The following MOB3A variants were observed in gnomAD, a reference collection of about 807,000 sequenced individuals.
The protein encoded by MOB3A is MOB kinase activator 3A.
Under a neutral mutation model 17.8 loss-of-function variants are expected in MOB3A, and 17 were observed. That is an observed-to-expected ratio of 0.95 (90% CI 0.65 to 1.43). The LOEUF (loss-of-function observed/expected upper bound fraction) is 1.43. Ranked by LOEUF, MOB3A falls within the 40% of genes most tolerant of loss-of-function variation. MOB3A has a pLI of 0.00. For synonymous variants in MOB3A, 124 were observed against 133.2 expected (o/e 0.93, Z 0.48); for missense variants, 333 against 310.8 (o/e 1.07, Z -0.54).
At chr19:2,074,443 T>C (rs1465983449) in intron 4 of MOB3A, among the ~76,000 whole-genome samples, 1 of 152,144 alleles carries the variant, frequency 6.6e-6, no homozygotes, top group Non-Finnish European at 1.5e-5. Flanking sequence ...ACTACCATCT[T>C]TAGAGCCACT....
At chr19:2,091,210 G>C (rs1446635432) in intron 1 of MOB3A, among the ~76,000 whole-genome samples, 1 of 152,112 alleles carries the variant, frequency 6.6e-6, no homozygotes, top group Non-Finnish European at 1.5e-5. Flanking sequence ...GGAAAGAAAA[G>C]CCTTAAACTT....
chr19:2,073,266 A>G lies in MOB3A; in HGVS notation c.*129T>C. 1 of 1,186,528 alleles carries G rather than the reference A, an allele frequency of 8.4e-7. No individual in the cohort carries two copies. The highest frequency in any genetic ancestry group is 1.2e-6 in the Non-Finnish European group (1 of 815,928). 73.5% of individuals were successfully genotyped at this position (1,186,528 alleles called of 1,614,324 possible). ...AGCTCCTGAGGACCAACACCTGCTC[A>G]GCGGCTCGGCCCCTGGTCTCCCTGA... is the stretch of plus-strand genomic sequence containing the variant. On this transcript the variant is annotated 3_prime_UTR_variant, in exon 5 of 5. Coordinates refer to ENST00000357066, the MANE Select transcript of MOB3A (RefSeq NM_130807.3).
chr19:2,073,514 G>C, intron 4 of MOB3A, 90 bp from the exon 5 acceptor site: 3 of 1,565,614 alleles, frequency 1.9e-6, no homozygotes, highest in Non-Finnish European at 2.6e-6. Flanking sequence ...CACAGGCAGA[G>C]AAACGGCAGC....
chr19:2,083,474 C>T (rs978968555), intron 2 of MOB3A, among the ~76,000 whole-genome samples: 1 of 152,244 alleles, frequency 6.6e-6, no homozygotes, highest in Non-Finnish European at 1.5e-5. Flanking sequence ...CACCTCCAGG[C>T]CATGGTCCGC....
At chr19:2,087,868 G>A (rs982127548) in intron 1 of MOB3A, among the ~76,000 whole-genome samples, 20 of 152,208 alleles carry the variant, frequency 1.3e-4, no homozygotes, top group African/African-American at 4.1e-4. Flanking sequence ...ACCCAGGGCC[G>A]CAGGATCTGG....
intron 1 of MOB3A, among the ~76,000 whole-genome samples, chr19:2,092,753 CAAAAAAA>C (rs745800527): frequency 7.0e-4 from 34 of 48,234 alleles, no homozygotes; most frequent in Admixed American, 2.5e-3. Context: ...AACTCCATCT[CAAAAAAA>C]AAAAAAAAAA....
rs141520085 is a variant in MOB3A, at chr19:2,082,101, TC to T, written c.-120+3073del. On this transcript the variant is annotated intron_variant, in intron 2 of 4. Coordinates refer to ENST00000357066, the MANE Select transcript of MOB3A (RefSeq NM_130807.3). The surrounding 1 kb of genome is among the most constrained non-coding windows in gnomAD (Gnocchi z 4.1). ...GAAAGGCCTGAACTTCCCCAGCCCA[TC>T]CTGGGGCCCTTAGCCACCATCGTCA... Among the ~76,000 whole-genome samples, 1,283 of 152,332 alleles carry T rather than the reference TC, an allele frequency of 8.4e-3. 27 individuals carry two copies. Among genetic ancestry groups the T allele is most frequent in the African/African-American group, 0.03 (1,243 of 41,562 alleles).
intron 1 of MOB3A, among the ~76,000 whole-genome samples, chr19:2,088,836 C>T (rs906778017): frequency 2.0e-5 from 3 of 152,134 alleles, no homozygotes; most frequent in East Asian, 3.9e-4. Flanking sequence ...CTCCTGACCT[C>T]GAGCAGTCCT....
Position 2,082,277 on chromosome 19 carries a change from C to T in MOB3A, c.-120+2898G>A, listed in dbSNP as rs1436540465. ...GGCTCTGTGGACATCGGGGTTGGAT[C>T]GTTCTCTGGGGTGGGGCCGTCAGGG... On this transcript the variant is annotated intron_variant, in intron 2 of 4. Coordinates refer to ENST00000357066, the MANE Select transcript of MOB3A (RefSeq NM_130807.3). This position sits in a 1 kb window ranked among gnomAD's most constrained non-coding sequence, Gnocchi z 4.1. Among the ~76,000 whole-genome samples the T allele has an allele frequency of 5.3e-5, 8 of 152,238 alleles. No individual in the cohort carries two copies. The highest frequency in any genetic ancestry group is 4.1e-4 in the South Asian group (2 of 4,836).
chr19:2,095,524 T>A (rs2017672981), intron 1 of MOB3A, among the ~76,000 whole-genome samples: 2 of 152,270 alleles, frequency 1.3e-5, no homozygotes, highest in East Asian at 3.9e-4. Context: ...AGAATTTTAA[T>A]CCACACCGGG....
rs2017636561 is a variant in MOB3A at position 2,093,583 on chromosome 19, G to A, written c.-274+2643C>T. Reference sequence around the variant, plus strand: ...GCTGGTCTTGAATGCCTGACCTCAGGTGATCTGCTCTCCTCGGCCTCCCAA... The same window carrying A: ...GCTGGTCTTGAATGCCTGACCTCAGATGATCTGCTCTCCTCGGCCTCCCAA... On this transcript the variant is annotated intron_variant, in intron 1 of 4. Coordinates refer to ENST00000357066, the MANE Select transcript of MOB3A (RefSeq NM_130807.3). This position sits in a 1 kb window ranked among gnomAD's most constrained non-coding sequence, Gnocchi z 4.6. 6.6e-6 allele frequency among the ~76,000 whole-genome samples: 1 copy of A among 152,174 alleles called. No individual in the cohort carries two copies. Among genetic ancestry groups the A allele is most frequent in the African/African-American group, 2.4e-5 (1 of 41,424 alleles).
rs35452475 is a variant in MOB3A at position 2,078,177 on chromosome 19, C to T, written c.384G>A (p.Ala128=). 97,259 of 1,594,510 alleles carry T rather than the reference C, an allele frequency of 0.061. 3,494 individuals carry two copies. Among genetic ancestry groups the T allele is most frequent in the South Asian group, 0.11 (9,861 of 89,770 alleles). ...GGAAGAGGTCCTCGTTGTTGATCTG[C>T]GCCTCGATCCAGTCCATCAGCAGGT... is the stretch of plus-strand genomic sequence containing the variant. ...YMDLLMDWIE[A]QINNEDLFPT... Residue 128 remains alanine (A), a synonymous_variant, in exon 3 of 5, where the codon GCG becomes GCA. Transcript: ENST00000357066.
At chr19:2,092,321 A>C (rs904094724) in intron 1 of MOB3A, among the ~76,000 whole-genome samples, 3 of 151,862 alleles carry the variant, frequency 2.0e-5, no homozygotes, top group South Asian at 2.1e-4. Context: ...GGCTGGTCTC[A>C]AACTCCTGGG....
At chr19:2,083,780 T>G (rs950808433) in intron 2 of MOB3A, among the ~76,000 whole-genome samples, 1 of 152,192 alleles carries the variant, frequency 6.6e-6, no homozygotes, top group Non-Finnish European at 1.5e-5. Flanking sequence ...CCATGCCAAT[T>G]TGGGGGCTTA....
chr19:2,077,941 G>A (rs2017433309), intron 3 of MOB3A, among the ~76,000 whole-genome samples, 199 bp downstream of exon 3: 1 of 151,966 alleles, frequency 6.6e-6, no homozygotes, highest in African/African-American at 2.4e-5. Flanking sequence ...GTGCCACCAT[G>A]CCTGGCTAAT....
chr19:2,083,879 C>T (rs1299715984), intron 2 of MOB3A, among the ~76,000 whole-genome samples: 2 of 152,186 alleles, frequency 1.3e-5, no homozygotes, highest in East Asian at 1.9e-4. Flanking sequence ...GGGAGGAGAC[C>T]CCCTACCTGG....
At chr19:2,075,984 G>A (rs1427639428) in intron 4 of MOB3A, among the ~76,000 whole-genome samples, 1 of 152,030 alleles carries the variant, frequency 6.6e-6, no homozygotes, top group East Asian at 1.9e-4. Context: ...TTAGCGGGGT[G>A]TGGTGGCACG....
chr19:2,078,922 G>T (rs1199548371), intron 2 of MOB3A, among the ~76,000 whole-genome samples: 7 of 152,122 alleles, frequency 4.6e-5, no homozygotes, highest in African/African-American at 1.7e-4. Flanking sequence ...CCACACCTGG[G>T]TAAGTTTCTT....
chr19:2,088,534 C>A (rs2017578562), intron 1 of MOB3A, among the ~76,000 whole-genome samples: 1 of 152,082 alleles, frequency 6.6e-6, no homozygotes. Flanking sequence ...GTGGTGCGAT[C>A]TTGGCTCACT....
Sources: gnomAD v4.1 joint callset for allele counts (sites outside exome capture counted in the v4.1 genomes callset) on GRCh38, gnomAD v4.1.1 for gene constraint, Gnocchi (gnomAD v3.1) non-coding constraint, MANE v1.5 for transcripts, NCBI Gene and HGNC (gene_info 2026-07-23, HGNC 2026-07-21) for gene names.